DNAH5: variants seen among roughly 807,000 people sequenced by gnomAD.
DNAH5 encodes axonemal beta dynein heavy chain 5.
Under a neutral mutation model 518.2 loss-of-function variants are expected in DNAH5, and 372 were observed. The ratio of observed to expected loss-of-function variants is 0.72; its 90% CI spans 0.66 to 0.78. The LOEUF is 0.78. Ranked by LOEUF, DNAH5 falls within the 30% of genes least tolerant of loss-of-function variation. The pLI, the probability that DNAH5 is intolerant of heterozygous loss-of-function variation, is 0.00. For missense variants in DNAH5, 5,523 were observed against 5,687.0 expected, an observed-to-expected ratio of 0.97 and a Z score of 0.93; for synonymous variants, 2,039 against 2,025.9, an observed-to-expected ratio of 1.01 and a Z score of -0.17.
chr5:13,777,108 C>T (rs1326792472), intron 54 of DNAH5, 94 bp downstream of exon 54: 1 of 1,244,106 alleles, frequency 8.0e-7, no homozygotes, highest in Admixed American at 1.9e-5. Flanking sequence ...CCCAATAGCA[C>T]TTATTCACAC....
chr5:13,762,406 T>G (rs1332032498), intron 60 of DNAH5, among the ~76,000 whole-genome samples: 1 of 150,190 alleles, frequency 6.7e-6, no homozygotes, highest in Non-Finnish European at 1.5e-5. Context: ...GTTTGCAGCG[T>G]TTTTTGTTTG....
At position 13,839,352 on chromosome 5, in the gene DNAH5, T is replaced by C. The variant is rs763242625; in HGVS notation, c.5882+4A>G. ...GTGGGGGTTGGGGAGAAGGGTTCCA[T>C]CACCTGTCTGTAAGTGGAGTTATTA... is the stretch of plus-strand genomic sequence containing the variant. On this transcript the variant is annotated splice_donor_region_variant and intron_variant, in intron 35 of 78. Transcript: ENST00000265104. 1.2e-6 allele frequency: 2 copies of C among 1,613,710 alleles called. No homozygotes were observed. Among genetic ancestry groups the C allele is most frequent in the African/African-American group, 2.7e-5 (2 of 74,918 alleles).
At chr5:13,860,035 C>T (rs1010555863) in intron 29 of DNAH5, among the ~76,000 whole-genome samples, 10 of 152,160 alleles carry the variant, frequency 6.6e-5, no homozygotes, top group African/African-American at 2.4e-4. Flanking sequence ...CTAATTCAAT[C>T]TTCAAATATG....
intron 1 of DNAH5, among the ~76,000 whole-genome samples, chr5:13,950,948 T>C (rs1780345057): frequency 6.6e-6 from 1 of 152,192 alleles, no homozygotes; most frequent in African/African-American, 2.4e-5. Flanking sequence ...TAATTACTTG[T>C]ACTTTCAGAA....
intron 58 of DNAH5, among the ~76,000 whole-genome samples, chr5:13,767,422 G>T (rs1288714134): frequency 6.6e-6 from 1 of 152,180 alleles, no homozygotes; most frequent in Non-Finnish European, 1.5e-5. Flanking sequence ...AGCATGCCCA[G>T]CCTGTTTTAA....
rs1752510371 is a variant in DNAH5, at chr5:13,766,286, T to A, written c.9898-107A>T. On this transcript the variant is annotated intron_variant, in intron 58 of 78. Coordinates refer to ENST00000265104, the MANE Select transcript of DNAH5 (RefSeq NM_001369.3). ...TTCAACAGAGGACAGAAAACTGTTT[T>A]AAGTTAGATGCAGGCCACAGGGTCT... The A allele has an allele frequency of 4.1e-6, 5 of 1,219,994 alleles. No individual in the cohort carries two copies. In the East Asian group the frequency reaches 7.0e-5, roughly 17 times the overall value. The allele number at this position is 1,219,994 out of a possible 1,614,324, so 75.6% of individuals were successfully genotyped here.
At chr5:13,972,137 A>G (rs1463469132) in intron 1 of DNAH5, among the ~76,000 whole-genome samples, 1 of 152,170 alleles carries the variant, frequency 6.6e-6, no homozygotes, top group African/African-American at 2.4e-5. Context: ...CCCAGCTCCC[A>G]TGCAGCTCGA....
chr5:13,904,411 T>C (rs1775037785), intron 12 of DNAH5, among the ~76,000 whole-genome samples: 1 of 148,442 alleles, frequency 6.7e-6, no homozygotes, highest in African/African-American at 2.4e-5. Flanking sequence ...TAGATATATA[T>C]ATTATAGATA....
At chr5:13,866,891 C>T (rs572410338) in intron 25 of DNAH5, among the ~76,000 whole-genome samples, 10 of 152,244 alleles carry the variant, frequency 6.6e-5, no homozygotes, top group Admixed American at 5.2e-4. Context: ...TCTCATTACA[C>T]AACATATTTA....
chr5:13,811,554 T>C (rs1481796858), intron 44 of DNAH5, 93 bp downstream of exon 44: 2 of 1,253,846 alleles, frequency 1.6e-6, no homozygotes, highest in Non-Finnish European at 1.2e-6. Flanking sequence ...CTGTATAGCA[T>C]GGCTACATTA....
intron 1 of DNAH5, among the ~76,000 whole-genome samples, chr5:13,976,730 C>CAA (rs1561032318): frequency 3.3e-5 from 5 of 150,190 alleles, no homozygotes; most frequent in African/African-American, 1.2e-4. Context: ...CACATACACA[C>CAA]ACACACACAC....
chr5:13,808,974 T>C (rs1760132791), intron 46 of DNAH5, 70 bp downstream of exon 46: 45 of 1,568,382 alleles, frequency 2.9e-5, no homozygotes, highest in Non-Finnish European at 3.9e-5. Context: ...AATAACTAAA[T>C]AAATAAATGC....
At chr5:13,859,640 T>G (rs781128335) in intron 29 of DNAH5, 35 bp from the exon 30 acceptor site, 2 of 1,601,674 alleles carry the variant, frequency 1.2e-6, no homozygotes, top group East Asian at 2.2e-5. Context: ...TTTGGTTTTG[T>G]TTTTGTTGTG....
rs771917308 is a variant in DNAH5 at position 13,867,951 on chromosome 5, T to C, written c.3876A>G (p.Ala1292=). ...ALLNRYGLLI[A]REEIDKVDTL... ...TATCAACTTTGTCTATCTCTTCCCT[T>C]GCTATCAGAAGTCCATATCTGTTAA... The change falls in exon 25 of 79, where the codon GCA becomes GCG. Residue 1292 remains alanine, a synonymous_variant. Coordinates refer to ENST00000265104, the MANE Select transcript of DNAH5 (RefSeq NM_001369.3). 6.2e-7 allele frequency: 1 copy of C among 1,613,970 alleles called. No individual in the cohort carries two copies. Among genetic ancestry groups the C allele is most frequent in the Admixed American group, 1.7e-5 (1 of 59,984 alleles).
chr5:13,955,299 A>G (rs976412464), intron 1 of DNAH5, among the ~76,000 whole-genome samples: 3 of 152,048 alleles, frequency 2.0e-5, no homozygotes, highest in Admixed American at 2.0e-4. Flanking sequence ...GGCCTCCCCA[A>G]CCGTGCTTCC....
chr5:13,831,250 C>T (rs1340353960), intron 35 of DNAH5, among the ~76,000 whole-genome samples: 3 of 152,194 alleles, frequency 2.0e-5, no homozygotes, highest in Non-Finnish European at 2.9e-5. Flanking sequence ...AAAACACACA[C>T]TGCTAAATAA....
chr5:13,736,561 A>T (rs1561140542), intron 66 of DNAH5, among the ~76,000 whole-genome samples: 2 of 150,880 alleles, frequency 1.3e-5, no homozygotes, highest in South Asian at 2.1e-4. Flanking sequence ...TGCCTGGCTA[A>T]TTTTTTTTTC....
rs1036209486 is a variant in DNAH5 at position 13,883,173 on chromosome 5, A to C, written c.2984-79T>G. On this transcript the variant is annotated intron_variant, in intron 19 of 78. Coordinates refer to ENST00000265104, the MANE Select transcript of DNAH5 (RefSeq NM_001369.3). Reference sequence around the variant, plus strand: ...TGCTTCCTTTGTAACCATAAAAATTAAAACAATACATAATAGGTATAAAAT... The same window carrying C: ...TGCTTCCTTTGTAACCATAAAAATTCAAACAATACATAATAGGTATAAAAT... 3 of 1,399,642 alleles carry C rather than the reference A, an allele frequency of 2.1e-6. No homozygotes were observed. The African/African-American group carries it at 4.3e-5, about 20-fold the overall frequency. 86.7% of individuals were successfully genotyped at this position (1,399,642 alleles called of 1,614,324 possible). A position where few individuals can be genotyped will look rare whatever the true frequency, so the allele number is the denominator to read the frequency against.
intron 47 of DNAH5, among the ~76,000 whole-genome samples, chr5:13,804,129 A>G (rs1759202236): frequency 6.6e-6 from 1 of 152,228 alleles, no homozygotes; most frequent in South Asian, 2.1e-4. Flanking sequence ...AAAAATGAGG[A>G]ATCTTTCTTA....
Sources: allele counts gnomAD v4.1 joint callset (sites outside exome capture counted in the v4.1 genomes callset), GRCh38; gene constraint gnomAD v4.1.1; transcripts MANE v1.5; gene names NCBI Gene and HGNC (gene_info 2026-07-23, HGNC 2026-07-21).